Variants in CHCHD3 observed in about 807,000 individuals in gnomAD.
CHCHD3 encodes the protein MICOS complex subunit MIC19.
Under a neutral mutation model 38.2 loss-of-function variants are expected in CHCHD3, and 20 were observed. That is an observed-to-expected ratio of 0.52 (90% confidence interval 0.37 to 0.76). The LOEUF is 0.76. CHCHD3 is among the 30% of genes least tolerant of loss of function. The pLI is 0.00. For synonymous variants in CHCHD3, 82 were observed against 100.0 expected (o/e 0.82, Z 1.07); for missense variants, 245 against 279.2 (o/e 0.88, Z 0.87).
intron 1 of CHCHD3, among the ~76,000 whole-genome samples, chr7:133,078,830 T>C (rs1815084017): frequency 6.6e-6 from 1 of 152,206 alleles, no homozygotes. Flanking sequence ...ATGACATAAA[T>C]GCTAGACAAC....
At chr7:132,822,426 T>A (rs1409339254) in intron 6 of CHCHD3, among the ~76,000 whole-genome samples, 2 of 152,100 alleles carry the variant, frequency 1.3e-5, no homozygotes, top group African/African-American at 4.8e-5. Flanking sequence ...TCCTTTTTTT[T>A]AATTTAAAAA....
intron 4 of CHCHD3, among the ~76,000 whole-genome samples, chr7:132,959,993 C>T (rs539692286): frequency 3.3e-5 from 5 of 152,284 alleles, no homozygotes; most frequent in African/African-American, 1.2e-4. Context: ...ACAAACGTAT[C>T]TCCAGAATAG....
intron 6 of CHCHD3, among the ~76,000 whole-genome samples, chr7:132,824,397 C>T (rs997336366): frequency 7.0e-6 from 1 of 143,282 alleles, no homozygotes; most frequent in African/African-American, 2.6e-5. Flanking sequence ...CGGCTCACTG[C>T]AAGCTACGCC....
At chr7:132,820,618 T>TG (rs1404579286) in intron 6 of CHCHD3, among the ~76,000 whole-genome samples, 6 of 149,838 alleles carry the variant, frequency 4.0e-5, no homozygotes, top group African/African-American at 4.9e-5. Flanking sequence ...AGTGTTTTTT[T>TG]TTTTTTTTTT....
At chr7:132,942,625 A>T (rs1056075756) in intron 4 of CHCHD3, among the ~76,000 whole-genome samples, 2 of 152,196 alleles carry the variant, frequency 1.3e-5, no homozygotes, top group African/African-American at 4.8e-5. Context: ...TTAAAAGAAG[A>T]TATCCATAAG....
intron 1 of CHCHD3, among the ~76,000 whole-genome samples, 173 bp downstream of exon 1, chr7:133,081,684 G>C (rs1468139158): frequency 6.6e-6 from 1 of 152,222 alleles, no homozygotes; most frequent in African/African-American, 2.4e-5. Context: ...AACTATCTCT[G>C]AATGAATGTC....
chr7:132,793,038 T>G (rs1806504986), intron 7 of CHCHD3, among the ~76,000 whole-genome samples: 1 of 152,166 alleles, frequency 6.6e-6, no homozygotes. Flanking sequence ...TTCCCCTTTT[T>G]TAAAAAACAG....
intron 2 of CHCHD3, among the ~76,000 whole-genome samples, chr7:133,039,350 A>G (rs1284838030): frequency 6.6e-6 from 1 of 152,212 alleles, no homozygotes; most frequent in Non-Finnish European, 1.5e-5. Flanking sequence ...GGATTTAAAG[A>G]AAAATCAAAC....
intron 5 of CHCHD3, among the ~76,000 whole-genome samples, chr7:132,867,874 G>A (rs1215514355): frequency 6.6e-6 from 1 of 152,172 alleles, no homozygotes; most frequent in Non-Finnish European, 1.5e-5. Flanking sequence ...TATGGGAAAT[G>A]TTTTAACTGC....
chr7:132,917,619 G>C (rs1031330225), intron 4 of CHCHD3, among the ~76,000 whole-genome samples: 1 of 152,174 alleles, frequency 6.6e-6, no homozygotes, highest in Non-Finnish European at 1.5e-5. Context: ...GGCACTTTGA[G>C]AGGCTGAGGC....
At chr7:133,046,572 G>A (rs182300085) in intron 2 of CHCHD3, among the ~76,000 whole-genome samples, 1 of 53,692 alleles carries the variant, frequency 1.9e-5, no homozygotes, top group Non-Finnish European at 3.5e-5. Context: ...TATTTTTTTG[G>A]GGGGGGGAGA....
intron 4 of CHCHD3, among the ~76,000 whole-genome samples, chr7:132,927,216 C>T (rs2117248213): frequency 6.6e-6 from 1 of 152,304 alleles, no homozygotes; most frequent in Non-Finnish European, 1.5e-5. Context: ...CACTGAAAAC[C>T]ATAAATGTTC....
chr7:132,938,721 G>A (rs979658582), intron 4 of CHCHD3, among the ~76,000 whole-genome samples: 2 of 152,122 alleles, frequency 1.3e-5, no homozygotes, highest in African/African-American at 4.8e-5. Flanking sequence ...CTTTAAACCT[G>A]CAGTGTGTCC....
chr7:132,882,065 A>G (rs1018023833), intron 5 of CHCHD3, among the ~76,000 whole-genome samples: 1 of 152,222 alleles, frequency 6.6e-6, no homozygotes, highest in African/African-American at 2.4e-5. Flanking sequence ...GTTATCTTAT[A>G]CACAATGGAA....
At chr7:132,894,083 T>C (rs1160674804) in intron 4 of CHCHD3, among the ~76,000 whole-genome samples, 3 of 152,196 alleles carry the variant, frequency 2.0e-5, no homozygotes, top group Non-Finnish European at 4.4e-5. Flanking sequence ...AAATTTTGAA[T>C]AGAAAGTGAT....
intron 4 of CHCHD3, among the ~76,000 whole-genome samples, chr7:132,891,024 C>A (rs763396750): frequency 1.3e-5 from 2 of 152,074 alleles, no homozygotes; most frequent in African/African-American, 2.4e-5. Flanking sequence ...AGAAAAAGAA[C>A]TGAAATATCA....
At chr7:132,832,583 C>G (rs2117086240) in intron 6 of CHCHD3, among the ~76,000 whole-genome samples, 1 of 103,954 alleles carries the variant, frequency 9.6e-6, no homozygotes, top group Non-Finnish European at 2.1e-5. Flanking sequence ...ATCAATTGTC[C>G]TGTAAAATGC....
Position 133,024,631 on chromosome 7 carries a change from G to C in CHCHD3, c.170-4C>G, listed in dbSNP as rs1212977807. On this transcript the variant is annotated splice_polypyrimidine_tract_variant and splice_region_variant and intron_variant, in intron 2 of 7. Coordinates refer to ENST00000262570, the MANE Select transcript of CHCHD3 (RefSeq NM_017812.4). ...CTTTTCAATTCTTCATCAGAAACTA[G>C]AATCGATAAAGAGCAGAAGGAGATA... is the stretch of plus-strand genomic sequence containing the variant. 1.9e-6 allele frequency: 3 copies of C among 1,605,228 alleles called. No individual in the cohort carries two copies. Among genetic ancestry groups the C allele is most frequent in the South Asian group, 2.2e-5 (2 of 90,882 alleles).
rs528739934 is a variant in CHCHD3 at position 133,051,550 on chromosome 7, T to C, written c.169+18592A>G. ...ACATAAATAAATTCTTCTAAAGCAA[T>C]AGATTTGTTTAAACGTATACTCTTG... On this transcript the variant is annotated intron_variant, in intron 2 of 7. Coordinates refer to ENST00000262570, the MANE Select transcript of CHCHD3 (RefSeq NM_017812.4). 1.3e-3 allele frequency among the ~76,000 whole-genome samples: 201 copies of C among 152,322 alleles called. 1 individual carries two copies. Among genetic ancestry groups the C allele is most frequent in the Admixed American group, 3.2e-3 (49 of 15,290 alleles).
Sources: allele counts gnomAD v4.1 joint callset (sites outside exome capture counted in the v4.1 genomes callset), GRCh38; gene constraint gnomAD v4.1.1; transcripts MANE v1.5; gene names NCBI Gene and HGNC (gene_info 2026-07-23, HGNC 2026-07-21).